The following SLC2A13 variants were observed in gnomAD, a reference collection of about 807,000 sequenced individuals.
SLC2A13 encodes the protein solute carrier family 2 member 13, also known as proton myo-inositol cotransporter.
Under a neutral mutation model 64.4 loss-of-function variants are expected in SLC2A13, and 32 were observed. That is an observed-to-expected ratio of 0.50 (90% confidence interval 0.37 to 0.67). SLC2A13 has a LOEUF of 0.67. Ranked by LOEUF, SLC2A13 falls within the 30% of genes least tolerant of loss-of-function variation. The pLI, the probability that SLC2A13 is intolerant of heterozygous loss-of-function variation, is 0.00. For synonymous variants in SLC2A13, 338 were observed against 327.1 expected, an observed-to-expected ratio of 1.03 and a Z score of -0.36; for missense variants, 743 against 829.2, an observed-to-expected ratio of 0.90 and a Z score of 1.28.
intron 1 of SLC2A13, among the ~76,000 whole-genome samples, chr12:40,092,936 G>T (rs1034513383): frequency 5.3e-5 from 8 of 152,130 alleles, no homozygotes; most frequent in African/African-American, 1.9e-4. Flanking sequence ...AAATCTGTCT[G>T]CCAGGAAAGA....
At chr12:39,968,772 A>T (rs1230055731) in intron 3 of SLC2A13, among the ~76,000 whole-genome samples, 1 of 6,398 alleles carries the variant, frequency 1.6e-4, no homozygotes, top group Non-Finnish European at 3.6e-4. Context: ...ATATATATAT[A>T]TATATATATA....
At chr12:39,869,307 C>T (rs1460376794) in intron 5 of SLC2A13, among the ~76,000 whole-genome samples, 3 of 152,144 alleles carry the variant, frequency 2.0e-5, no homozygotes, top group Non-Finnish European at 2.9e-5. Flanking sequence ...TGGTCATTAT[C>T]TTCTAGTAGG....
intron 2 of SLC2A13, among the ~76,000 whole-genome samples, chr12:40,044,051 T>C (rs560957602): frequency 2.0e-4 from 31 of 152,290 alleles, no homozygotes; most frequent in African/African-American, 6.5e-4. Context: ...CAAATGTTCA[T>C]AGCATCATTA....
chr12:39,945,909 T>TG (rs144325427), intron 4 of SLC2A13, among the ~76,000 whole-genome samples: 25,106 of 148,966 alleles, frequency 0.17, 2,448 homozygotes, highest in East Asian at 0.5. Context: ...CGTGATTTTT[T>TG]GTGGGGGGGT....
Position 39,995,403 on chromosome 12 carries a change from T to TC in SLC2A13, c.925+32897dup, listed in dbSNP as rs202141999. ...TTTATTCCTTCCACCTCTTCTCATTTCCCCTCCCCGCTACCCTTCCCATCC... is the reference window on the plus strand; with the variant it reads ...TTTATTCCTTCCACCTCTTCTCATTTCCCCCTCCCCGCTACCCTTCCCATCC... On this transcript the variant is annotated intron_variant, in intron 3 of 9. Transcript: ENST00000280871. 5.7e-3 allele frequency among the ~76,000 whole-genome samples: 872 copies of TC among 152,016 alleles called. 9 individuals carry two copies. The highest frequency in any genetic ancestry group is 0.02 in the African/African-American group (842 of 41,358).
intron 9 of SLC2A13, among the ~76,000 whole-genome samples, chr12:39,761,280 T>C (rs1353746640): frequency 6.6e-6 from 1 of 151,942 alleles, no homozygotes. Context: ...CCTACTTAAG[T>C]GTTGGCAGTT....
chr12:39,758,809 A>C lies in SLC2A13; in HGVS notation c.*1217T>G, dbSNP rs1940038211. 6.6e-6 allele frequency: 1 copy of C among 151,964 alleles called. No homozygotes were observed. Among genetic ancestry groups the C allele is most frequent in the South Asian group, 2.1e-4 (1 of 4,832 alleles). The allele number at this position is 151,964 out of a possible 1,614,324, so 9.4% of individuals were successfully genotyped here. ...CTATGTATCTTTTTTTTTTCTGGTA[A>C]ATTCTCAGGAAAATGAGAAAAGTGT... is the stretch of plus-strand genomic sequence containing the variant. On this transcript the variant is annotated 3_prime_UTR_variant, in exon 10 of 10. Coordinates refer to ENST00000280871, the MANE Select transcript of SLC2A13 (RefSeq NM_052885.4).
intron 3 of SLC2A13, among the ~76,000 whole-genome samples, chr12:39,966,269 T>A (rs1441203809): frequency 6.6e-6 from 1 of 151,984 alleles, no homozygotes. Flanking sequence ...ATCTTCTTAT[T>A]ACTTGTAGAC....
Position 39,797,742 on chromosome 12 carries a change from A to ATATG in SLC2A13, c.1445+32360_1445+32361insCATA, listed in dbSNP as rs1555237478. Among the ~76,000 whole-genome samples the ATATG allele has an allele frequency of 5.2e-4, 64 of 122,800 alleles. 1 individual carries two copies. Among genetic ancestry groups the ATATG allele is most frequent in the African/African-American group, 1.9e-3 (61 of 32,044 alleles). 80.6% of individuals were successfully genotyped at this position (122,800 alleles called of 152,430 possible). ...AGTTATGGTAAACACACACACACACACACACACACACACACACACACACAC... is the reference window on the plus strand; with the variant it reads ...AGTTATGGTAAACACACACACACACATATGCACACACACACACACACACACACAC... On this transcript the variant is annotated intron_variant, in intron 7 of 9. Coordinates refer to ENST00000280871, the MANE Select transcript of SLC2A13 (RefSeq NM_052885.4).
chr12:39,968,603 C>T (rs557482883), intron 3 of SLC2A13, among the ~76,000 whole-genome samples: 1 of 152,022 alleles, frequency 6.6e-6, no homozygotes, highest in Non-Finnish European at 1.5e-5. Flanking sequence ...ATTCCCCTTC[C>T]TTGCCTGCCA....
At chr12:39,907,945 C>A (rs1294003887) in intron 4 of SLC2A13, 1 of 151,264 alleles carries the variant, frequency 6.6e-6, no homozygotes, top group African/African-American at 2.5e-5. Flanking sequence ...ACAACTACGC[C>A]TCCAAAAGTT....
chr12:39,837,187 A>G (rs1212853759), intron 6 of SLC2A13, among the ~76,000 whole-genome samples: 2 of 148,454 alleles, frequency 1.3e-5, no homozygotes, highest in African/African-American at 5.0e-5. Flanking sequence ...ATAATGCCAC[A>G]TACCTACAAC....
chr12:39,807,830 T>C (rs1942026398), intron 7 of SLC2A13, among the ~76,000 whole-genome samples: 1 of 152,260 alleles, frequency 6.6e-6, no homozygotes, highest in South Asian at 2.1e-4. Flanking sequence ...TTAATAATCG[T>C]ACCAGGAGAA....
At chr12:39,960,744 C>CTT (rs71434303) in intron 3 of SLC2A13, among the ~76,000 whole-genome samples, 10,796 of 108,786 alleles carry the variant, frequency 0.099, 813 homozygotes, top group Admixed American at 0.13. Flanking sequence ...CTGTCTCATT[C>CTT]TTTTTTTTTT....
intron 4 of SLC2A13, among the ~76,000 whole-genome samples, chr12:39,925,715 C>G (rs1054184369): frequency 6.6e-6 from 1 of 152,130 alleles, no homozygotes; most frequent in Non-Finnish European, 1.5e-5. Context: ...AATGCTAGCC[C>G]TCTACATCAC....
rs147299834 is a variant in SLC2A13 at position 39,775,114 on chromosome 12, C to A, written c.1446-10256G>T. ...GCTTCAAGATGTACTTTTCTCTGTG[C>A]TTTCATTTATCACAAGATTAACATA... On this transcript the variant is annotated intron_variant, in intron 7 of 9. Coordinates refer to ENST00000280871, the MANE Select transcript of SLC2A13 (RefSeq NM_052885.4). Among the ~76,000 whole-genome samples, 1,034 of 152,186 alleles carry A rather than the reference C, an allele frequency of 6.8e-3. 7 individuals carry two copies. Among genetic ancestry groups the A allele is most frequent in the Non-Finnish European group, 0.011 (776 of 67,996 alleles).
At chr12:39,870,974 C>A (rs572027384) in intron 5 of SLC2A13, among the ~76,000 whole-genome samples, 2 of 152,198 alleles carry the variant, frequency 1.3e-5, no homozygotes, top group East Asian at 3.9e-4. Flanking sequence ...TAATGCTGCC[C>A]TGGAAACTAT....
At chr12:39,809,207 T>A (rs1302465419) in intron 7 of SLC2A13, among the ~76,000 whole-genome samples, 1 of 152,206 alleles carries the variant, frequency 6.6e-6, no homozygotes, top group Non-Finnish European at 1.5e-5. Context: ...GTTTTTTTAT[T>A]GAAAATCAAT....
chr12:39,755,045 CTTTTA>C lies in SLC2A13; in HGVS notation c.*4976_*4980del, dbSNP rs1485659698. 6.6e-6 allele frequency: 1 copy of C among 151,888 alleles called. No individual in the cohort carries two copies. The highest frequency in any genetic ancestry group is 1.5e-5 in the Non-Finnish European group (1 of 67,912). 9.4% of individuals were successfully genotyped at this position (151,888 alleles called of 1,614,324 possible). A position where few individuals can be genotyped will look rare whatever the true frequency, so the allele number is the denominator to read the frequency against. On this transcript the variant is annotated 3_prime_UTR_variant, in exon 10 of 10. Transcript: ENST00000280871. ...GTTAATGAGTAATGAATTATTTTAACTTTTATTTGATTATTTTCATTTACAGTTCT... is the reference window on the plus strand; with the variant it reads ...GTTAATGAGTAATGAATTATTTTAACTTTGATTATTTTCATTTACAGTTCT...
Sources: gnomAD v4.1 joint callset for allele counts (sites outside exome capture counted in the v4.1 genomes callset) on GRCh38, gnomAD v4.1.1 for gene constraint, MANE v1.5 for transcripts, NCBI Gene and HGNC (gene_info 2026-07-23, HGNC 2026-07-21) for gene names.